ABL1: variants seen among roughly 807,000 people sequenced by gnomAD.
ABL1 encodes the protein tyrosine-protein kinase ABL1.
Under a neutral mutation model 94.7 loss-of-function variants are expected in ABL1, and 11 were observed. That is an observed-to-expected ratio of 0.12 (90% CI 0.07 to 0.19). The LOEUF is 0.19. ABL1 is among the 10% of genes least tolerant of loss of function. The pLI, the probability that ABL1 is intolerant of heterozygous loss-of-function variation, is 1.00. For synonymous variants in ABL1, 656 were observed against 622.4 expected, an observed-to-expected ratio of 1.05 and a Z score of -0.80; for missense variants, 1,082 against 1,489.4, an observed-to-expected ratio of 0.73 and a Z score of 4.50.
chr9:130,842,936 A>G (rs564924238), intron 1 of ABL1, among the ~76,000 whole-genome samples: 15 of 152,172 alleles, frequency 9.9e-5, no homozygotes, highest in Non-Finnish European at 1.9e-4. Context: ...AGCACAGAGA[A>G]CTGTGTTTTT....
At chr9:130,784,023 TG>T (rs1486912959) in intron 1 of ABL1, among the ~76,000 whole-genome samples, 30 of 152,152 alleles carry the variant, frequency 2.0e-4, no homozygotes, top group African/African-American at 5.8e-4. Flanking sequence ...AAAAGACGCT[TG>T]ATAAACAGTA....
intron 2 of ABL1, 105 bp downstream of exon 2, chr9:130,854,342 T>G: frequency 2.3e-6 from 3 of 1,310,416 alleles, no homozygotes; most frequent in Non-Finnish European, 2.1e-6. Flanking sequence ...CTTTGAAATC[T>G]GGACTGCAGG....
Position 130,738,043 on chromosome 9 carries a change from G to A in ABL1, c.136+23588G>A, listed in dbSNP as rs535086703. The stretch of plus-strand genomic sequence containing the variant: ...GATAGGGTTTCACCATATTGGTTAG[G>A]CTGGTCTCAAACTCCTGACCTCGTG... On this transcript the variant is annotated intron_variant, in intron 1 of 10. Coordinates refer to the ABL1 transcript ENST00000372348. Among the ~76,000 whole-genome samples the A allele has an allele frequency of 7.9e-5, 12 of 152,072 alleles. No individual in the cohort carries two copies. The South Asian group carries it at 2.5e-3, about 32-fold the overall frequency.
chr9:130,822,689 G>T lies in ABL1; in HGVS notation c.137-31375G>T, dbSNP rs371377170. On this transcript the variant is annotated intron_variant, in intron 1 of 10. Coordinates refer to the ABL1 transcript ENST00000372348. ...CTTTTTATGTGCTTATTAGCCATTT[G>T]TATTTCATCTTTGGTGACCTGTCAA... Among the ~76,000 whole-genome samples, 5 of 151,890 alleles carry T rather than the reference G, an allele frequency of 3.3e-5. No individual in the cohort carries two copies. In the East Asian group the frequency reaches 5.8e-4, roughly 18 times the overall value.
chr9:130,752,998 T>A (rs1427821685), intron 1 of ABL1, among the ~76,000 whole-genome samples: 2 of 149,736 alleles, frequency 1.3e-5, no homozygotes, highest in Non-Finnish European at 1.5e-5. Flanking sequence ...GGCTCACGCC[T>A]GTAGTCCCAG....
chr9:130,869,036 A>T (rs1211519489), intron 4 of ABL1, among the ~76,000 whole-genome samples: 2 of 151,980 alleles, frequency 1.3e-5, no homozygotes, highest in Non-Finnish European at 2.9e-5. Context: ...GCGTGGTGGC[A>T]GGTGCCTGTA....
At chr9:130,791,349 T>C (rs889526389) in intron 1 of ABL1, among the ~76,000 whole-genome samples, 6 of 152,284 alleles carry the variant, frequency 3.9e-5, no homozygotes, top group African/African-American at 1.4e-4. Flanking sequence ...ATTAGATAAA[T>C]AAAAACAAAA....
At chr9:130,876,411 C>CTTTTCT (rs551811548) in intron 7 of ABL1, among the ~76,000 whole-genome samples, 14,052 of 142,496 alleles carry the variant, frequency 0.099, 1,727 homozygotes, top group African/African-American at 0.29. Context: ...ATTACTTTTT[C>CTTTTCT]TTTTTTTTTT....
At chr9:130,822,439 C>CTTTTTTTT (rs35922505) in intron 1 of ABL1, among the ~76,000 whole-genome samples, 1 of 104,408 alleles carries the variant, frequency 9.6e-6, no homozygotes, top group Non-Finnish European at 1.9e-5. Context: ...CCCGCCCCTG[C>CTTTTTTTT]TTTTTTTTTT....
Position 130,880,360 on chromosome 9 carries a change from T to A in ABL1, c.1514-140T>A. 8.8e-7 allele frequency: 1 copy of A among 1,134,132 alleles called. No homozygotes were observed. The highest frequency in any genetic ancestry group is 1.5e-5 in the African/African-American group (1 of 64,734). 70.3% of individuals were successfully genotyped at this position (1,134,132 alleles called of 1,614,324 possible). Reference sequence around the variant, plus strand: ...GTTCTAAGAAATGCTAAGGGCTGTTTCTCCGGTATCCACGTGCCTTTTCTT... The same window carrying A: ...GTTCTAAGAAATGCTAAGGGCTGTTACTCCGGTATCCACGTGCCTTTTCTT... On this transcript the variant is annotated intron_variant, in intron 9 of 10. Coordinates refer to ENST00000318560, the MANE Select transcript of ABL1 (RefSeq NM_005157.6). This position sits in a 1 kb window ranked among gnomAD's most constrained non-coding sequence, Gnocchi z 4.4.
intron 1 of ABL1, among the ~76,000 whole-genome samples, chr9:130,827,932 A>AATAG (rs1830445885): frequency 6.7e-6 from 1 of 148,292 alleles, no homozygotes; most frequent in Non-Finnish European, 1.5e-5. Flanking sequence ...TAAATAAATA[A>AATAG]ATAAAGCTAT....
At chr9:130,788,625 G>C (rs1254159040) in intron 1 of ABL1, among the ~76,000 whole-genome samples, 2 of 152,128 alleles carry the variant, frequency 1.3e-5, no homozygotes, top group Middle Eastern at 3.2e-3. Context: ...GCATTAATTT[G>C]TCATGATCTT....
chr9:130,842,283 A>G (rs1166649125), intron 1 of ABL1, among the ~76,000 whole-genome samples: 2 of 152,178 alleles, frequency 1.3e-5, no homozygotes, highest in African/African-American at 4.8e-5. Flanking sequence ...AGTCTACGTA[A>G]TAAGGTTATA....
intron 1 of ABL1, among the ~76,000 whole-genome samples, chr9:130,813,343 C>CCT (rs1830237074): frequency 6.6e-6 from 1 of 151,448 alleles, no homozygotes; most frequent in East Asian, 2.0e-4. Flanking sequence ...GGGCGGATCA[C>CCT]GAGGTCAGGA....
At chr9:130,841,355 C>T (rs999472154) in intron 1 of ABL1, among the ~76,000 whole-genome samples, 5 of 151,864 alleles carry the variant, frequency 3.3e-5, no homozygotes, top group African/African-American at 1.2e-4. Flanking sequence ...GATCCGCCCA[C>T]CTCGGCCTCC....
intron 1 of ABL1, among the ~76,000 whole-genome samples, chr9:130,728,128 A>G (rs925035500): frequency 5.3e-5 from 8 of 149,738 alleles, no homozygotes; most frequent in Admixed American, 5.3e-4. Context: ...TGCAGTGGCA[A>G]TCATAGCTCA....
intron 1 of ABL1, among the ~76,000 whole-genome samples, chr9:130,782,776 A>G (rs1343236642): frequency 6.6e-6 from 1 of 152,212 alleles, no homozygotes. Flanking sequence ...CTTCGTGGGA[A>G]GTTGTGGAAT....
chr9:130,839,641 TC>T (rs1830639218), intron 1 of ABL1, among the ~76,000 whole-genome samples: 1 of 152,196 alleles, frequency 6.6e-6, no homozygotes, highest in Non-Finnish European at 1.5e-5. Flanking sequence ...ATCCCAGTTT[TC>T]CTCTGACCTC....
intron 4 of ABL1, among the ~76,000 whole-genome samples, chr9:130,868,119 C>T (rs1254525917): frequency 2.0e-5 from 3 of 151,936 alleles, no homozygotes; most frequent in East Asian, 3.9e-4. Flanking sequence ...GCGACCACGC[C>T]GGCTAATTTT....
Sources: allele counts gnomAD v4.1 joint callset (sites outside exome capture counted in the v4.1 genomes callset), GRCh38; gene constraint gnomAD v4.1.1; non-coding constraint Gnocchi (gnomAD v3.1); transcripts MANE v1.5; gene names NCBI Gene and HGNC (gene_info 2026-07-23, HGNC 2026-07-21).